The following CADPS variants were observed in gnomAD, a reference collection of about 807,000 sequenced individuals.
CADPS encodes calcium dependent secretion activator.
A neutral mutation model predicts 167.3 loss-of-function variants in CADPS; 57 were observed. That is an observed-to-expected ratio of 0.34 (90% confidence interval 0.28 to 0.42). CADPS has a LOEUF of 0.42. CADPS is among the 20% of genes least tolerant of loss of function. The pLI, the probability that CADPS is intolerant of heterozygous loss-of-function variation, is 1.00. For missense variants in CADPS, 1,414 were observed against 1,738.1 expected (o/e 0.81, Z 3.32); for synonymous variants, 676 against 635.3 (o/e 1.06, Z -0.96).
rs182276952 is a variant in CADPS at position 62,616,802 on chromosome 3, G to A, written c.1326-24054C>T. ...CTCACCAAGGCTGAGGAAAGTTTTC[G>A]TCTAATGCTACAGATACTTATCATA... On this transcript the variant is annotated intron_variant, in intron 6 of 29. Transcript: ENST00000383710. Among the ~76,000 whole-genome samples, 82 of 152,194 alleles carry A rather than the reference G, an allele frequency of 5.4e-4. 1 individual carries two copies. The highest frequency in any genetic ancestry group is 2.5e-3 in the South Asian group (12 of 4,818).
intron 1 of CADPS, among the ~76,000 whole-genome samples, chr3:62,820,312 C>G (rs1486863116): frequency 6.6e-6 from 1 of 152,144 alleles, no homozygotes; most frequent in Non-Finnish European, 1.5e-5. Context: ...GGAGATAGCA[C>G]TTTTCTGAAA....
At chr3:62,794,256 G>A (rs922640043) in intron 1 of CADPS, among the ~76,000 whole-genome samples, 1 of 152,022 alleles carries the variant, frequency 6.6e-6, no homozygotes, top group African/African-American at 2.4e-5. Context: ...GATAACAACT[G>A]TGTCAACTAG....
In CADPS at chr3:62,654,435, G is replaced by A. The variant is rs539827244; in HGVS notation, c.970-3355C>T. ...ATGAGGGTCTGATGGATAAAGAAGA[G>A]TTTGCCACCAGGTTGAGTTGGCTGA... On this transcript the variant is annotated intron_variant, in intron 4 of 29. Coordinates refer to ENST00000383710, the MANE Select transcript of CADPS (RefSeq NM_003716.4). Among the ~76,000 whole-genome samples the A allele has an allele frequency of 2.0e-5, 3 of 152,302 alleles. No homozygotes were observed. In the South Asian group the frequency reaches 6.2e-4, roughly 32 times the overall value.
chr3:62,837,687 A>G (rs1378389088), intron 1 of CADPS, among the ~76,000 whole-genome samples: 1 of 152,212 alleles, frequency 6.6e-6, no homozygotes, highest in Admixed American at 6.5e-5. Flanking sequence ...TCAACATTAG[A>G]AGGTCACAGC....
intron 1 of CADPS, among the ~76,000 whole-genome samples, chr3:62,821,968 G>A (rs560274611): frequency 7.6e-4 from 115 of 152,162 alleles, no homozygotes; most frequent in Non-Finnish European, 2.8e-4. Context: ...GTCAGCTGGC[G>A]GCTGCTCTAA....
intron 6 of CADPS, among the ~76,000 whole-genome samples, chr3:62,609,613 T>C (rs925619505): frequency 6.6e-6 from 1 of 152,194 alleles, no homozygotes; most frequent in Non-Finnish European, 1.5e-5. Flanking sequence ...GAGCATCAGT[T>C]TCCTCATCTG....
intron 2 of CADPS, among the ~76,000 whole-genome samples, chr3:62,759,669 A>G (rs944401434): frequency 1.2e-4 from 19 of 152,202 alleles, no homozygotes; most frequent in African/African-American, 4.3e-4. Context: ...CCAAATAGTT[A>G]TCTTGACATG....
At chr3:62,808,081 G>A (rs956568872) in intron 1 of CADPS, among the ~76,000 whole-genome samples, 51 of 151,526 alleles carry the variant, frequency 3.4e-4, no homozygotes, top group Non-Finnish European at 5.7e-4. Flanking sequence ...CACTATGTTG[G>A]CCAGACTGGT....
chr3:62,595,955 A>G (rs2058849969), intron 6 of CADPS, among the ~76,000 whole-genome samples: 1 of 152,026 alleles, frequency 6.6e-6, no homozygotes, highest in Non-Finnish European at 1.5e-5. Context: ...GCCCTCAAAC[A>G]TTGGACTCCA....
chr3:62,779,862 A>G (rs756725178), intron 1 of CADPS: 4 of 227,212 alleles, frequency 1.8e-5, no homozygotes, highest in Non-Finnish European at 3.5e-5. Context: ...GAGACAGTAG[A>G]TGGTACAGTG....
At chr3:62,704,492 A>G (rs761885827) in intron 3 of CADPS, among the ~76,000 whole-genome samples, 8 of 152,110 alleles carry the variant, frequency 5.3e-5, no homozygotes, top group Non-Finnish European at 1.0e-4. Context: ...ATTTACTTCA[A>G]CTACCATTTT....
intron 2 of CADPS, among the ~76,000 whole-genome samples, chr3:62,761,918 C>T (rs1190495279): frequency 2.0e-5 from 3 of 152,102 alleles, no homozygotes; most frequent in African/African-American, 4.8e-5. Flanking sequence ...AATCTGTTGC[C>T]CTGCTTGATC....
intron 28 of CADPS, among the ~76,000 whole-genome samples, chr3:62,411,107 A>C (rs2048874429): frequency 6.6e-6 from 1 of 152,118 alleles, no homozygotes; most frequent in Non-Finnish European, 1.5e-5. Flanking sequence ...TGTCTCTGAA[A>C]AAACAAACAA....
intron 1 of CADPS, among the ~76,000 whole-genome samples, chr3:62,799,888 A>G (rs542972413): frequency 6.6e-6 from 1 of 152,288 alleles, no homozygotes; most frequent in African/African-American, 2.4e-5. Flanking sequence ...TTTCAAGGAT[A>G]TTTACATGTC....
chr3:62,409,630 C>T (rs2048572219), intron 28 of CADPS, among the ~76,000 whole-genome samples: 1 of 152,194 alleles, frequency 6.6e-6, no homozygotes, highest in South Asian at 2.1e-4. Context: ...CCCCTATCAT[C>T]CTACCTCCTC....
intron 3 of CADPS, among the ~76,000 whole-genome samples, chr3:62,721,169 T>C (rs942723712): frequency 1.6e-5 from 2 of 128,330 alleles, no homozygotes; most frequent in Admixed American, 7.9e-5. Context: ...AAAGTAAAAA[T>C]AGACATTCAG....
chr3:62,769,548 G>A (rs2087941509), intron 1 of CADPS, among the ~76,000 whole-genome samples: 1 of 152,110 alleles, frequency 6.6e-6, no homozygotes, highest in South Asian at 2.1e-4. Context: ...TCATCTTTGA[G>A]TGTTTGCACA....
chr3:62,766,589 A>C (rs1385213607), intron 1 of CADPS, among the ~76,000 whole-genome samples: 1 of 152,208 alleles, frequency 6.6e-6, no homozygotes, highest in Non-Finnish European at 1.5e-5. Flanking sequence ...TGGTACATCC[A>C]TGATCACATG....
chr3:62,530,477 C>T lies in CADPS; in HGVS notation c.2291+2394G>A, dbSNP rs545039890. 1.5e-3 allele frequency among the ~76,000 whole-genome samples: 230 copies of T among 152,182 alleles called. 2 individuals carry two copies. The highest frequency in any genetic ancestry group is 5.3e-3 in the African/African-American group (219 of 41,486). On this transcript the variant is annotated intron_variant, in intron 13 of 29. Coordinates refer to ENST00000383710, the MANE Select transcript of CADPS (RefSeq NM_003716.4). ...ACCTGACTCAAATTTAGTCCCAATA[C>T]ACGGTATTTTTGCCCATTGCTAGAA...
Sources: gnomAD v4.1 joint callset for allele counts (sites outside exome capture counted in the v4.1 genomes callset) on GRCh38, gnomAD v4.1.1 for gene constraint, MANE v1.5 for transcripts, NCBI Gene and HGNC (gene_info 2026-07-23, HGNC 2026-07-21) for gene names.